Variants in AGAP1 observed in about 807,000 individuals in gnomAD.
AGAP1 encodes the protein ArfGAP with GTPase domain, ankyrin repeat and PH domain 1, also known as arf-GAP with GTPase, ANK repeat and PH domain-containing protein 1.
Under a neutral mutation model 105.3 loss-of-function variants are expected in AGAP1, and 29 were observed. The ratio of observed to expected loss-of-function variants is 0.28; its 90% confidence interval spans 0.21 to 0.38. AGAP1 has a LOEUF of 0.38. Among genes scored for constraint, AGAP1 ranks in the 10% least tolerant of loss-of-function variants. The probability of loss-of-function intolerance (pLI) is 1.00; values close to 1 mark genes in which losing one functional copy is unlikely to be tolerated. For missense variants in AGAP1, 998 were observed against 1,165.1 expected (o/e 0.86, Z 2.09); for synonymous variants, 509 against 485.9 (o/e 1.05, Z -0.63).
chr2:235,998,941 G>A (rs1443677232), intron 13 of AGAP1, among the ~76,000 whole-genome samples: 1 of 151,358 alleles, frequency 6.6e-6, no homozygotes. Context: ...ATATGGTATG[G>A]TGGTGATGAT....
At chr2:235,499,181 C>T (rs1000413784) in intron 1 of AGAP1, among the ~76,000 whole-genome samples, 1 of 152,202 alleles carries the variant, frequency 6.6e-6, no homozygotes, top group African/African-American at 2.4e-5. Context: ...TGTGAGATTG[C>T]GGAGCCCCTG....
chr2:235,796,600 C>T (rs997775055), intron 6 of AGAP1, among the ~76,000 whole-genome samples: 1 of 152,166 alleles, frequency 6.6e-6, no homozygotes, highest in African/African-American at 2.4e-5. Flanking sequence ...CATATTTATA[C>T]TATCATTCAT....
intron 1 of AGAP1, among the ~76,000 whole-genome samples, chr2:235,598,843 A>G (rs543466887): frequency 6.6e-5 from 10 of 152,262 alleles, no homozygotes; most frequent in South Asian, 6.2e-4. Context: ...AAGATAATTT[A>G]TTTTTAGATT....
intron 1 of AGAP1, among the ~76,000 whole-genome samples, chr2:235,657,092 A>G (rs969658456): frequency 1.3e-5 from 2 of 152,212 alleles, no homozygotes; most frequent in African/African-American, 4.8e-5. Flanking sequence ...GGAGTATCAC[A>G]GTGAAATTGA....
At chr2:235,544,357 T>C (rs1011634494) in intron 1 of AGAP1, among the ~76,000 whole-genome samples, 5 of 152,170 alleles carry the variant, frequency 3.3e-5, no homozygotes, top group Non-Finnish European at 5.9e-5. Flanking sequence ...TACGAGGTTC[T>C]GAGTCCCGCA....
intron 12 of AGAP1, among the ~76,000 whole-genome samples, chr2:235,940,342 AAACATGAGCCAG>A (rs1249197165): frequency 1.3e-5 from 2 of 152,112 alleles, no homozygotes; most frequent in Non-Finnish European, 2.9e-5. Flanking sequence ...TAAAAAAACA[AAACATGAGCCAG>A]ATTGCCACTC....
intron 12 of AGAP1, among the ~76,000 whole-genome samples, chr2:235,939,933 A>G (rs948278270): frequency 3.3e-5 from 5 of 151,942 alleles, no homozygotes; most frequent in African/African-American, 1.2e-4. Context: ...AAGATACCCA[A>G]ATTCACATCC....
In AGAP1 at chr2:236,105,679, ATTCTCCCGCGTTCACG is replaced by A. The variant is rs2059470236; in HGVS notation, c.2115-14512_2115-14497del. Among the ~76,000 whole-genome samples, 1 of 146,144 alleles carries A rather than the reference ATTCTCCCGCGTTCACG, an allele frequency of 6.8e-6. No individual in the cohort carries two copies. The highest frequency in any genetic ancestry group is 2.5e-5 in the African/African-American group (1 of 39,256). On this transcript the variant is annotated intron_variant, in intron 16 of 17. Transcript: ENST00000304032. This position sits in a 1 kb window ranked among gnomAD's most constrained non-coding sequence, Gnocchi z 4.2. ...CACACCATTCTCCCGCGTTCACGCC[ATTCTCCCGCGTTCACG>A]CCATTCTCCCACCTCAGCCTCCCGA...
At chr2:235,706,099 C>T (rs1950519363) in intron 1 of AGAP1, among the ~76,000 whole-genome samples, 1 of 152,210 alleles carries the variant, frequency 6.6e-6, no homozygotes, top group Non-Finnish European at 1.5e-5. Flanking sequence ...ATCATCTCAT[C>T]ACCCTTGACT....
intron 10 of AGAP1, among the ~76,000 whole-genome samples, chr2:235,884,452 G>GTTTTTTTTT (rs35976413): frequency 1.6e-5 from 2 of 124,676 alleles, no homozygotes; most frequent in African/African-American, 6.3e-5. Context: ...ATTTTTCACT[G>GTTTTTTTTT]TTTTTTTTTT....
rs768631598 is a variant in AGAP1 at position 235,692,016 on chromosome 2, C to G, written c.164-17163C>G. 6.6e-6 allele frequency among the ~76,000 whole-genome samples: 1 copy of G among 152,188 alleles called. No homozygotes were observed. Among genetic ancestry groups the G allele is most frequent in the Non-Finnish European group, 1.5e-5 (1 of 68,030 alleles). On this transcript the variant is annotated intron_variant, in intron 1 of 17. Coordinates refer to ENST00000304032, the MANE Select transcript of AGAP1 (RefSeq NM_001037131.3). This position sits in a 1 kb window ranked among gnomAD's most constrained non-coding sequence, Gnocchi z 5.8. Reference sequence around the variant, plus strand: ...GGTTATCTAGTTACTAGTGGTAAGACAGAGCCAGTTAACAAAGACTATAAA... The same window carrying G: ...GGTTATCTAGTTACTAGTGGTAAGAGAGAGCCAGTTAACAAAGACTATAAA...
intron 6 of AGAP1, among the ~76,000 whole-genome samples, chr2:235,760,747 A>G (rs1277128897): frequency 1.3e-5 from 2 of 152,114 alleles, no homozygotes; most frequent in African/African-American, 2.4e-5. Flanking sequence ...CACCATGCCC[A>G]GGTCATTTTT....
chr2:235,800,957 C>T (rs948115131), intron 8 of AGAP1, among the ~76,000 whole-genome samples: 4 of 152,168 alleles, frequency 2.6e-5, no homozygotes, highest in African/African-American at 9.7e-5. Flanking sequence ...ATTTGCTGCC[C>T]CTTTGTGAAT....
intron 16 of AGAP1, among the ~76,000 whole-genome samples, chr2:236,066,514 CTG>C (rs1412942920): frequency 6.6e-6 from 1 of 152,234 alleles, no homozygotes; most frequent in African/African-American, 2.4e-5. Flanking sequence ...GCGCGGGACA[CTG>C]TGCCCAGCCA....
At position 235,609,716 on chromosome 2, in the gene AGAP1, TC is replaced by T. The variant is rs1208225574; in HGVS notation, c.164-99462del. Among the ~76,000 whole-genome samples, 17 of 151,988 alleles carry T rather than the reference TC, an allele frequency of 1.1e-4. No homozygotes were observed. The highest frequency in any genetic ancestry group is 4.1e-4 in the African/African-American group (17 of 41,460). ...ACCGGAGGAACAGGAGCTCTGGAGG[TC>T]TTCTGTTTGCTGTTGTATGCTGTGG... On this transcript the variant is annotated intron_variant, in intron 1 of 17. Coordinates refer to ENST00000304032, the MANE Select transcript of AGAP1 (RefSeq NM_001037131.3). The surrounding 1 kb of genome is among the most constrained non-coding windows in gnomAD (Gnocchi z 5.1).
In AGAP1 at chr2:236,046,365, A is replaced by G. The variant is rs2125700135; in HGVS notation, c.1892-2694A>G. On this transcript the variant is annotated intron_variant, in intron 15 of 17. Transcript: ENST00000304032. This position sits in a 1 kb window ranked among gnomAD's most constrained non-coding sequence, Gnocchi z 5.2. ...GAGGTCTGCAGGGAAGTGACGGGCA[A>G]GGCCGCAGACAGGAGCCCCTTGCAC... is the stretch of plus-strand genomic sequence containing the variant. Among the ~76,000 whole-genome samples the G allele has an allele frequency of 6.6e-6, 1 of 152,304 alleles. No homozygotes were observed. Among genetic ancestry groups the G allele is most frequent in the East Asian group, 1.9e-4 (1 of 5,170 alleles).
rs2057458647 is a variant in AGAP1 at position 236,038,809 on chromosome 2, A to G, written c.1801-1942A>G. The stretch of plus-strand genomic sequence containing the variant: ...CAGGTACACAGAGAGACAGAGGCAC[A>G]TCCCTTTGTATGTGTGTGTGTGTGT... On this transcript the variant is annotated intron_variant, in intron 14 of 17. Transcript: ENST00000304032. This position sits in a 1 kb window ranked among gnomAD's most constrained non-coding sequence, Gnocchi z 4.5. Among the ~76,000 whole-genome samples, 1 of 116,934 alleles carries G rather than the reference A, an allele frequency of 8.6e-6. No individual in the cohort carries two copies. Among genetic ancestry groups the G allele is most frequent in the Non-Finnish European group, 1.7e-5 (1 of 58,208 alleles). The allele number at this position is 116,934 out of a possible 152,430, so 76.7% of individuals were successfully genotyped here. A position where few individuals can be genotyped will look rare whatever the true frequency, so the allele number is the denominator to read the frequency against.
chr2:235,832,802 G>A (rs1260983945), intron 9 of AGAP1, among the ~76,000 whole-genome samples: 2 of 152,176 alleles, frequency 1.3e-5, no homozygotes, highest in Admixed American at 6.5e-5. Context: ...AGACTAGAAG[G>A]CAGGTGGGCA....
chr2:235,498,562 G>A (rs1001853510), intron 1 of AGAP1, among the ~76,000 whole-genome samples: 1 of 152,194 alleles, frequency 6.6e-6, no homozygotes, highest in African/African-American at 2.4e-5. Flanking sequence ...GGGGTTGATG[G>A]CATTGAGGTA....
Sources: gnomAD v4.1 joint callset for allele counts (sites outside exome capture counted in the v4.1 genomes callset) on GRCh38, gnomAD v4.1.1 for gene constraint, Gnocchi (gnomAD v3.1) non-coding constraint, MANE v1.5 for transcripts, NCBI Gene and HGNC (gene_info 2026-07-23, HGNC 2026-07-21) for gene names.